PHLPP1: variants seen among roughly 807,000 people sequenced by gnomAD.
PHLPP1 encodes the protein PH domain and leucine rich repeat protein phosphatase 1.
A neutral mutation model predicts 117.2 loss-of-function variants in PHLPP1; 42 were observed. The observed-to-expected ratio is 0.36, with a 90% CI of 0.28 to 0.46. The LOEUF (loss-of-function observed/expected upper bound fraction) is 0.46, where lower values mean the gene tolerates loss of function less well. PHLPP1 is among the 20% of genes least tolerant of loss of function. The pLI, the probability that PHLPP1 is intolerant of heterozygous loss-of-function variation, is 1.00. For synonymous variants in PHLPP1, 1,042 were observed against 970.7 expected, an observed-to-expected ratio of 1.07 and a Z score of -1.37; for missense variants, 2,084 against 2,241.9, an observed-to-expected ratio of 0.93 and a Z score of 1.42.
At chr18:62,893,973 T>A (rs1169072902) in intron 4 of PHLPP1, among the ~76,000 whole-genome samples, 1 of 152,108 alleles carries the variant, frequency 6.6e-6, no homozygotes, top group Non-Finnish European at 1.5e-5. Context: ...GTGATAGGAC[T>A]GAGATAATTG....
intron 1 of PHLPP1, among the ~76,000 whole-genome samples, chr18:62,829,523 G>A (rs1336813754): frequency 2.6e-5 from 4 of 152,086 alleles, no homozygotes; most frequent in East Asian, 1.9e-4. Context: ...AGGCTGAGGC[G>A]GGCGGATCAC....
intron 1 of PHLPP1, among the ~76,000 whole-genome samples, chr18:62,733,918 A>C (rs1454145085): frequency 6.6e-6 from 1 of 152,292 alleles, no homozygotes; most frequent in East Asian, 1.9e-4. Flanking sequence ...GCATTTACCA[A>C]ATACTTCCAG....
intron 1 of PHLPP1, among the ~76,000 whole-genome samples, chr18:62,751,023 A>G (rs1437675277): frequency 6.6e-6 from 1 of 152,152 alleles, no homozygotes; most frequent in Admixed American, 6.5e-5. Flanking sequence ...TGAGAGATGC[A>G]TTTTAAAAAA....
chr18:62,741,868 G>A (rs1205091199), intron 1 of PHLPP1, among the ~76,000 whole-genome samples: 1 of 151,692 alleles, frequency 6.6e-6, no homozygotes, highest in Non-Finnish European at 1.5e-5. Context: ...GGGAGGACCA[G>A]TGTGAATATA....
chr18:62,763,304 A>G (rs1912320865), intron 1 of PHLPP1, among the ~76,000 whole-genome samples: 1 of 152,128 alleles, frequency 6.6e-6, no homozygotes, highest in East Asian at 1.9e-4. Flanking sequence ...ATAGTGTGAA[A>G]CCTGAAACTG....
In PHLPP1 at chr18:62,895,135, G is replaced by A; in HGVS notation, c.2191G>A (p.Ala731Thr). 2 of 1,613,804 alleles carry A rather than the reference G, an allele frequency of 1.2e-6. No individual in the cohort carries two copies. Among genetic ancestry groups the A allele is most frequent in the Middle Eastern group, 1.7e-4 (1 of 5,954 alleles). Residue 731 changes from alanine to threonine, a missense_variant, in exon 5 of 17, where the codon GCA becomes ACA. This residue lies in a region of PHLPP1 where 1,365 missense variants were observed against 1,605.9 expected (regional missense o/e 0.85). Coordinates refer to ENST00000262719, the MANE Select transcript of PHLPP1 (RefSeq NM_194449.4). Reference sequence around the variant, plus strand: ...CTGCAATGCCCTGCGATCAGTCCCGGCAGCCGTTGGAGTGATGCACAAGTG... The same window carrying A: ...CTGCAATGCCCTGCGATCAGTCCCGACAGCCGTTGGAGTGATGCACAAGTG... ...VSCNALRSVPAAVGVMHNLQT... is the reference protein window; with the variant it reads ...VSCNALRSVPTAVGVMHNLQT...
At chr18:62,797,687 T>G (rs1241252727) in intron 1 of PHLPP1, among the ~76,000 whole-genome samples, 1 of 152,246 alleles carries the variant, frequency 6.6e-6, no homozygotes, top group Non-Finnish European at 1.5e-5. Flanking sequence ...TTGATTAATT[T>G]AAGTCCCTAA....
intron 1 of PHLPP1, among the ~76,000 whole-genome samples, chr18:62,800,876 C>T (rs1022117759): frequency 6.6e-6 from 1 of 152,054 alleles, no homozygotes; most frequent in Admixed American, 6.5e-5. Flanking sequence ...TCTCTTGTCA[C>T]TGTTGGTGGA....
chr18:62,824,576 A>G (rs369231663), intron 1 of PHLPP1, among the ~76,000 whole-genome samples: 2 of 152,188 alleles, frequency 1.3e-5, no homozygotes, highest in Non-Finnish European at 2.9e-5. Context: ...ATGTGTGTAG[A>G]TACATCATAT....
chr18:62,876,195 A>T (rs1916045712), intron 4 of PHLPP1, among the ~76,000 whole-genome samples: 1 of 152,180 alleles, frequency 6.6e-6, no homozygotes. Flanking sequence ...TACTAGTTTT[A>T]AAATGGACCG....
At chr18:62,900,351 A>AT (rs1314486214) in intron 6 of PHLPP1, among the ~76,000 whole-genome samples, 1 of 143,356 alleles carries the variant, frequency 7.0e-6, no homozygotes, top group Non-Finnish European at 1.5e-5. Context: ...AAATAAATAA[A>AT]AAGTTTGTCC....
intron 12 of PHLPP1, among the ~76,000 whole-genome samples, chr18:62,955,336 G>A (rs1037608713): frequency 6.6e-6 from 1 of 152,188 alleles, no homozygotes; most frequent in Non-Finnish European, 1.5e-5. Flanking sequence ...GGACACCTGG[G>A]AGCAGGCTGA....
intron 8 of PHLPP1, among the ~76,000 whole-genome samples, chr18:62,913,611 T>C (rs1175438446): frequency 6.6e-6 from 1 of 152,178 alleles, no homozygotes; most frequent in Non-Finnish European, 1.5e-5. Context: ...GATCATTTTA[T>C]GTATTTTAAA....
At chr18:62,941,199 T>C (rs1017295267) in intron 10 of PHLPP1, among the ~76,000 whole-genome samples, 4 of 152,240 alleles carry the variant, frequency 2.6e-5, no homozygotes, top group Non-Finnish European at 5.9e-5. Flanking sequence ...CTCAAGTCAC[T>C]ATGTGATTTA....
rs139517320 is a variant in PHLPP1 at position 62,960,442 on chromosome 18, T to G, written c.3455+1683T>G. Among the ~76,000 whole-genome samples the G allele has an allele frequency of 7.6e-4, 115 of 152,262 alleles. 2 individuals carry two copies. The South Asian group carries it at 0.018, about 24-fold the overall frequency. On this transcript the variant is annotated intron_variant, in intron 13 of 16. Coordinates refer to ENST00000262719, the MANE Select transcript of PHLPP1 (RefSeq NM_194449.4). ...ATACATAAAAGTGTTAAATGTCTAT[T>G]TCCTATTTCAGAAACTCTCAAGAGT...
chr18:62,720,466 G>A (rs1243299460), intron 1 of PHLPP1, among the ~76,000 whole-genome samples: 2 of 152,040 alleles, frequency 1.3e-5, no homozygotes, highest in Non-Finnish European at 2.9e-5. Context: ...TTGGGATTTC[G>A]CGGGAACAAT....
At chr18:62,888,287 A>ATATG (rs1916328960) in intron 4 of PHLPP1, among the ~76,000 whole-genome samples, 1 of 130,864 alleles carries the variant, frequency 7.6e-6, no homozygotes, top group African/African-American at 2.8e-5. Context: ...ATTTCACAAA[A>ATATG]TGTGTGTGTG....
rs543794884 is a variant in PHLPP1, at chr18:62,715,842, C to T, written c.159C>T (p.Pro53=). ...AAAGGGRSPE[P]ALTPAAPSGG... ...CCGGGGGCGGCCGGAGTCCGGAGCC[C>T]GCGCTGACCCCGGCGGCCCCGAGCG... The change falls in exon 1 of 17, where the codon CCC becomes CCT. Residue 53 remains proline (P), a synonymous_variant. Transcript: ENST00000262719. 2.7e-6 allele frequency: 2 copies of T among 754,692 alleles called. No homozygotes were observed. Among genetic ancestry groups the T allele is most frequent in the Non-Finnish European group, 1.6e-6 (1 of 619,772 alleles). 46.7% of individuals were successfully genotyped at this position (754,692 alleles called of 1,614,324 possible).
At chr18:62,882,963 GAAAA>G (rs1331906323) in intron 4 of PHLPP1, among the ~76,000 whole-genome samples, 5 of 137,806 alleles carry the variant, frequency 3.6e-5, no homozygotes, top group Non-Finnish European at 6.4e-5. Flanking sequence ...AAAAAAAAAA[GAAAA>G]AAAGAAAGGA....
Sources: gnomAD v4.1 joint callset for allele counts (sites outside exome capture counted in the v4.1 genomes callset) on GRCh38, gnomAD v4.1.1 for gene constraint, gnomAD v4.1.1 regional missense constraint, MANE v1.5 for transcripts, NCBI Gene and HGNC (gene_info 2026-07-23, HGNC 2026-07-21) for gene names.